SORCS1: variants seen among roughly 807,000 people sequenced by gnomAD.
SORCS1 encodes the protein sortilin related VPS10 domain containing receptor 1.
SORCS1 carries 60 observed loss-of-function variants against 146.1 expected under a neutral mutation model. The observed-to-expected ratio is 0.41, with a 90% confidence interval of 0.33 to 0.51. The LOEUF is 0.51. SORCS1 is among the 20% of genes least tolerant of loss of function. SORCS1 has a pLI of 0.21. For synonymous variants in SORCS1, 637 were observed against 584.0 expected, an observed-to-expected ratio of 1.09 and a Z score of -1.31; for missense variants, 1,352 against 1,487.6, an observed-to-expected ratio of 0.91 and a Z score of 1.50.
chr10:106,964,386 C>T lies in SORCS1; in HGVS notation c.559-7806G>A, dbSNP rs533659280. Among the ~76,000 whole-genome samples the T allele has an allele frequency of 4.9e-4, 74 of 152,328 alleles. 2 individuals carry two copies. Among genetic ancestry groups the T allele is most frequent in the Admixed American group, 7.8e-4 (12 of 15,300 alleles). ...TGATGCACTCATAGCTCACTGCAGCCTTGAACTCCTGAGCTCAAGTGATCC... is the reference window on the plus strand; with the variant it reads ...TGATGCACTCATAGCTCACTGCAGCTTTGAACTCCTGAGCTCAAGTGATCC... On this transcript the variant is annotated intron_variant, in intron 1 of 25. Transcript: ENST00000263054.
intron 19 of SORCS1, among the ~76,000 whole-genome samples, chr10:106,621,582 T>G (rs1021098111): frequency 6.6e-6 from 1 of 151,922 alleles, no homozygotes. Flanking sequence ...CACCCCTTTC[T>G]GGGCTCTAGA....
chr10:106,850,416 G>A (rs919776499), intron 2 of SORCS1, among the ~76,000 whole-genome samples: 3 of 152,190 alleles, frequency 2.0e-5, no homozygotes, highest in Middle Eastern at 6.8e-3. Context: ...CACTTCCCAG[G>A]TGAGGCAATG....
chr10:106,885,000 T>TAA (rs1950941070), intron 2 of SORCS1, among the ~76,000 whole-genome samples: 1 of 152,148 alleles, frequency 6.6e-6, no homozygotes, highest in South Asian at 2.1e-4. Flanking sequence ...AATTAGAAAT[T>TAA]AACATGTAAT....
At chr10:106,923,875 TG>T (rs1472582133) in intron 2 of SORCS1, among the ~76,000 whole-genome samples, 3 of 152,236 alleles carry the variant, frequency 2.0e-5, no homozygotes, top group African/African-American at 7.2e-5. Context: ...TTGTATAGTG[TG>T]GATAACAGTT....
rs762706644 is a variant in SORCS1 at position 106,679,568 on chromosome 10, A to G, written c.1663+64T>C. ...CTTCTTAAAATAAACTTCCAAGTAC[A>G]GATATCTAGCTTCTTAAAATAAACA... On this transcript the variant is annotated intron_variant, in intron 11 of 25. Transcript: ENST00000263054. 4.0e-4 allele frequency: 544 copies of G among 1,352,210 alleles called. 1 individual carries two copies. Among genetic ancestry groups the G allele is most frequent in the Non-Finnish European group, 5.0e-4 (488 of 966,916 alleles). The allele number at this position is 1,352,210 out of a possible 1,614,324, so 83.8% of individuals were successfully genotyped here.
chr10:107,074,745 A>C (rs925767200), intron 1 of SORCS1, among the ~76,000 whole-genome samples: 8 of 152,074 alleles, frequency 5.3e-5, no homozygotes, highest in African/African-American at 1.9e-4. Context: ...ATTCTCATAC[A>C]TGTGTAGTGG....
At chr10:106,953,297 G>T (rs1186268303) in intron 2 of SORCS1, among the ~76,000 whole-genome samples, 1 of 151,922 alleles carries the variant, frequency 6.6e-6, no homozygotes, top group Non-Finnish European at 1.5e-5. Flanking sequence ...TGTAGTAGTT[G>T]CATATGACTT....
chr10:106,718,940 G>A (rs1385109500), intron 6 of SORCS1, among the ~76,000 whole-genome samples: 1 of 151,866 alleles, frequency 6.6e-6, no homozygotes. Flanking sequence ...TTTTTACAGA[G>A]TGCTGATTGG....
chr10:106,726,268 T>A (rs1169515368), intron 6 of SORCS1, among the ~76,000 whole-genome samples: 3 of 147,374 alleles, frequency 2.0e-5, no homozygotes, highest in Non-Finnish European at 4.5e-5. Context: ...GATTTTTTTT[T>A]TCCTGTTTTG....
intron 1 of SORCS1, among the ~76,000 whole-genome samples, chr10:107,132,237 C>A (rs967101343): frequency 6.6e-6 from 1 of 152,198 alleles, no homozygotes; most frequent in South Asian, 2.1e-4. Context: ...CAGGCAATCC[C>A]ATTATTTATT....
At chr10:106,741,043 ATC>A in intron 5 of SORCS1, among the ~76,000 whole-genome samples, 1 of 152,326 alleles carries the variant, frequency 6.6e-6, no homozygotes, top group East Asian at 1.9e-4. Flanking sequence ...AAGAGTATGA[ATC>A]AAGGAATCCT....
intron 1 of SORCS1, among the ~76,000 whole-genome samples, chr10:107,088,861 T>C (rs937946058): frequency 2.0e-5 from 3 of 152,220 alleles, no homozygotes; most frequent in African/African-American, 7.2e-5. Context: ...TGTTCAGCTT[T>C]TCCTAGAATT....
intron 8 of SORCS1, among the ~76,000 whole-genome samples, chr10:106,699,776 G>A (rs551217668): frequency 6.6e-6 from 1 of 152,240 alleles, no homozygotes; most frequent in East Asian, 1.9e-4. Context: ...AGGAAAAGCT[G>A]GAGGAACAGA....
intron 5 of SORCS1, among the ~76,000 whole-genome samples, chr10:106,757,306 C>A (rs1324898258): frequency 3.3e-5 from 5 of 152,056 alleles, no homozygotes; most frequent in Admixed American, 2.6e-4. Flanking sequence ...GGTAACTTAA[C>A]AATTTGATTT....
intron 1 of SORCS1, among the ~76,000 whole-genome samples, chr10:106,978,219 ACAGGT>A (rs1372904395): frequency 6.6e-6 from 1 of 152,160 alleles, no homozygotes. Context: ...TGCTGCAATT[ACAGGT>A]GTAAGCCACC....
intron 4 of SORCS1, among the ~76,000 whole-genome samples, chr10:106,769,388 G>A (rs1015044246): frequency 2.4e-4 from 36 of 151,702 alleles, no homozygotes; most frequent in Non-Finnish European, 4.9e-4. Context: ...GGGAGGCTGA[G>A]GCAGGAGAAT....
chr10:106,879,030 G>A (rs1407343582), intron 2 of SORCS1, among the ~76,000 whole-genome samples: 2 of 151,082 alleles, frequency 1.3e-5, no homozygotes, highest in Non-Finnish European at 2.9e-5. Flanking sequence ...GGCGCCTGTA[G>A]TCCCAGCTAC....
chr10:107,065,141 G>A (rs1961619560), intron 1 of SORCS1, among the ~76,000 whole-genome samples: 1 of 152,088 alleles, frequency 6.6e-6, no homozygotes, highest in East Asian at 1.9e-4. Flanking sequence ...ATTGAGGGTG[G>A]GGGGAGGCAG....
chr10:106,995,300 C>A (rs573911325), intron 1 of SORCS1, among the ~76,000 whole-genome samples: 2 of 139,024 alleles, frequency 1.4e-5, no homozygotes, highest in Admixed American at 7.3e-5. Flanking sequence ...GGAGACAGAG[C>A]GAGACTCCAT....
Sources: allele counts gnomAD v4.1 joint callset (sites outside exome capture counted in the v4.1 genomes callset), GRCh38; gene constraint gnomAD v4.1.1; transcripts MANE v1.5; gene names NCBI Gene and HGNC (gene_info 2026-07-23, HGNC 2026-07-21).